THSD7B: variants seen among roughly 807,000 people sequenced by gnomAD.
THSD7B encodes thrombospondin type 1 domain containing 7B.
Under a neutral mutation model 213.6 loss-of-function variants are expected in THSD7B, and 138 were observed. The observed-to-expected ratio is 0.65, with a 90% CI of 0.56 to 0.74. THSD7B has a LOEUF of 0.74. Ranked by LOEUF, THSD7B falls within the 30% of genes least tolerant of loss-of-function variation. The pLI is 0.00. For missense variants in THSD7B, 1,931 were observed against 1,991.5 expected, an observed-to-expected ratio of 0.97 and a Z score of 0.58; for synonymous variants, 742 against 687.0, an observed-to-expected ratio of 1.08 and a Z score of -1.25.
chr2:137,166,254 G>T (rs370868926), intron 6 of THSD7B, among the ~76,000 whole-genome samples: 1 of 151,944 alleles, frequency 6.6e-6, no homozygotes, highest in Non-Finnish European at 1.5e-5. Context: ...ATTGGGTCAG[G>T]TTTTATCATT....
intron 1 of THSD7B, among the ~76,000 whole-genome samples, chr2:136,847,183 CTG>C (rs1212528354): frequency 1.3e-5 from 2 of 152,100 alleles, no homozygotes; most frequent in African/African-American, 4.8e-5. Context: ...AGAGAGGACT[CTG>C]TTACTGGCCG....
intron 15 of THSD7B, among the ~76,000 whole-genome samples, chr2:137,547,841 TA>T (rs1680771351): frequency 6.6e-6 from 1 of 151,906 alleles, no homozygotes; most frequent in Non-Finnish European, 1.5e-5. Flanking sequence ...CAGTGCTGAT[TA>T]AGAGATGGTA....
At chr2:137,411,496 C>A in intron 13 of THSD7B, 113 bp from the exon 14 acceptor site, 5 of 1,030,566 alleles carry the variant, frequency 4.9e-6, no homozygotes, top group Non-Finnish European at 5.5e-6. Context: ...GTGAAGAAAA[C>A]AAAGGCTTTA....
At chr2:137,520,038 G>A (rs1344230132) in intron 15 of THSD7B, among the ~76,000 whole-genome samples, 1 of 152,200 alleles carries the variant, frequency 6.6e-6, no homozygotes, top group African/African-American at 2.4e-5. Context: ...GACATCGTGA[G>A]AGAGATGCTA....
chr2:137,145,384 T>A (rs1298743440), intron 5 of THSD7B, among the ~76,000 whole-genome samples: 1 of 152,056 alleles, frequency 6.6e-6, no homozygotes, highest in Non-Finnish European at 1.5e-5. Flanking sequence ...TTGTCCTATT[T>A]GGATTCTACT....
At chr2:137,130,154 C>A (rs1688702540) in intron 5 of THSD7B, among the ~76,000 whole-genome samples, 1 of 152,076 alleles carries the variant, frequency 6.6e-6, no homozygotes, top group Admixed American at 6.6e-5. Context: ...CAGGTGGGTG[C>A]TGTTTCACAA....
intron 14 of THSD7B, among the ~76,000 whole-genome samples, chr2:137,417,386 A>G (rs1686821397): frequency 6.6e-6 from 1 of 152,102 alleles, no homozygotes; most frequent in Admixed American, 6.6e-5. Flanking sequence ...TGATTAAAAG[A>G]GCTTTTTTTT....
intron 16 of THSD7B, among the ~76,000 whole-genome samples, chr2:137,570,697 G>A (rs1681337255): frequency 6.6e-6 from 1 of 152,014 alleles, no homozygotes; most frequent in Admixed American, 6.6e-5. Flanking sequence ...ATCAGCAAAT[G>A]GCATGATTTA....
At chr2:136,835,287 G>T (rs1573660943) in intron 1 of THSD7B, among the ~76,000 whole-genome samples, 1 of 152,198 alleles carries the variant, frequency 6.6e-6, no homozygotes, top group Non-Finnish European at 1.5e-5. Context: ...TGAGTGAAAA[G>T]TAGGATGATA....
At chr2:137,002,068 T>C (rs1686009989) in intron 2 of THSD7B, among the ~76,000 whole-genome samples, 1 of 152,176 alleles carries the variant, frequency 6.6e-6, no homozygotes, top group African/African-American at 2.4e-5. Flanking sequence ...CAAGAAGGTA[T>C]GACTTTTGCC....
At chr2:136,916,170 C>A (rs1053403507) in intron 2 of THSD7B, among the ~76,000 whole-genome samples, 7 of 152,194 alleles carry the variant, frequency 4.6e-5, no homozygotes, top group South Asian at 4.2e-4. Context: ...ACCACACACA[C>A]AAAAAATGCT....
At chr2:136,971,570 C>A (rs1183259986) in intron 2 of THSD7B, among the ~76,000 whole-genome samples, 1 of 148,714 alleles carries the variant, frequency 6.7e-6, no homozygotes, top group Admixed American at 6.8e-5. Context: ...GTAATTATTG[C>A]TTATCACTGA....
chr2:137,336,689 G>A lies in THSD7B; in HGVS notation c.2500+60663G>A, dbSNP rs137999566. Among the ~76,000 whole-genome samples, 10 of 152,246 alleles carry A rather than the reference G, an allele frequency of 6.6e-5. No individual in the cohort carries two copies. In the East Asian group the frequency reaches 1.7e-3, roughly 26 times the overall value. ...GGACAGGCAATTAAATTATGAAATT[G>A]TGTTCTTGAAGAGAATACCACAAAC... On this transcript the variant is annotated intron_variant, in intron 12 of 27. Transcript: ENST00000409968.
chr2:137,619,335 A>G (rs894639592), intron 19 of THSD7B, among the ~76,000 whole-genome samples: 1 of 152,232 alleles, frequency 6.6e-6, no homozygotes, highest in Non-Finnish European at 1.5e-5. Flanking sequence ...ATCAGTGGGA[A>G]TTAAAACAAA....
At position 137,655,632 on chromosome 2, in the gene THSD7B, G is replaced by A. The variant is rs1190436106; in HGVS notation, c.4077G>A (p.Leu1359=). The A allele has an allele frequency of 3.1e-6, 5 of 1,613,272 alleles. No individual in the cohort carries two copies. The highest frequency in any genetic ancestry group is 1.7e-5 in the Admixed American group (1 of 59,932). The change falls in exon 22 of 28, where the codon CTG becomes CTA. Residue 1359 remains leucine, a synonymous_variant. Transcript: ENST00000409968. ...AAATGCCCTTTCAGGACAGCATCCT[G>A]AAGCAGCTGTGTTCTGTGCCTTGCC... ...CGEMPFQDSI[L]KQLCSVPCPG...
intron 15 of THSD7B, among the ~76,000 whole-genome samples, chr2:137,453,490 C>T (rs62167972): frequency 0.093 from 14,136 of 151,652 alleles, 848 homozygotes; most frequent in Middle Eastern, 0.16. Context: ...CCACCACGCC[C>T]GGCTAATTTT....
chr2:137,041,484 A>G (rs953680783), intron 2 of THSD7B, among the ~76,000 whole-genome samples: 137 of 151,736 alleles, frequency 9.0e-4, no homozygotes, highest in Non-Finnish European at 4.7e-4. Flanking sequence ...GAATGTATAC[A>G]TGCATTTATA....
At chr2:136,881,843 T>C (rs1321594824) in intron 1 of THSD7B, among the ~76,000 whole-genome samples, 1 of 152,142 alleles carries the variant, frequency 6.6e-6, no homozygotes, top group Admixed American at 6.6e-5. Flanking sequence ...TCACGTTACA[T>C]TGATCTTTTT....
intron 2 of THSD7B, among the ~76,000 whole-genome samples, chr2:137,002,651 G>T (rs1282779879): frequency 6.6e-6 from 1 of 152,150 alleles, no homozygotes; most frequent in African/African-American, 2.4e-5. Context: ...CTTAACAGGG[G>T]TCCACTGACT....
Sources: allele counts gnomAD v4.1 joint callset (sites outside exome capture counted in the v4.1 genomes callset), GRCh38; gene constraint gnomAD v4.1.1; transcripts MANE v1.5; gene names NCBI Gene and HGNC (gene_info 2026-07-23, HGNC 2026-07-21).